Variants in ATF7IP2 observed in about 807,000 individuals in gnomAD.
The protein encoded by ATF7IP2 is activating transcription factor 7-interacting protein 2.
Under a neutral mutation model 64.2 loss-of-function variants are expected in ATF7IP2, and 42 were observed. The observed-to-expected ratio is 0.65, with a 90% CI of 0.51 to 0.85. ATF7IP2 has a LOEUF of 0.85. Among genes scored for constraint, ATF7IP2 ranks in the 40% least tolerant of loss-of-function variants. The pLI, the probability that ATF7IP2 is intolerant of heterozygous loss-of-function variation, is 0.00. For missense variants in ATF7IP2, 933 were observed against 784.2 expected (o/e 1.19, Z -2.27); for synonymous variants, 308 against 272.8 (o/e 1.13, Z -1.27).
intron 3 of ATF7IP2, among the ~76,000 whole-genome samples, chr16:10,425,058 T>C (rs1299040136): frequency 6.7e-6 from 1 of 149,116 alleles, no homozygotes; most frequent in Admixed American, 6.6e-5. Context: ...TATCAGATTT[T>C]TTTTTTTTTT....
Position 10,430,842 on chromosome 16 carries a change from A to T in ATF7IP2, c.222A>T (p.Ala74=), listed in dbSNP as rs771675617. The T allele has an allele frequency of 6.2e-7, 1 of 1,613,976 alleles. No homozygotes were observed. Among genetic ancestry groups the T allele is most frequent in the South Asian group, 1.1e-5 (1 of 91,076 alleles). The stretch of plus-strand genomic sequence containing the variant: ...AATGTAGCCCTTCTGAAAATGGTGC[A>T]TCCTCATTGGACTCTAATAAAAATT... ...ITKCSPSENG[A]SSLDSNKNSI... is the part of the protein sequence containing the mutation. The change falls in exon 5 of 14, where the codon GCA becomes GCT. Residue 74 remains alanine, a synonymous_variant. Coordinates refer to ENST00000562102, the MANE Select transcript of ATF7IP2 (RefSeq NM_001393719.1).
chr16:10,403,306 A>G (rs1273807053), intron 1 of ATF7IP2, among the ~76,000 whole-genome samples: 1 of 152,176 alleles, frequency 6.6e-6, no homozygotes, highest in East Asian at 1.9e-4. Flanking sequence ...TGGCTACTCA[A>G]GAGGTTGTGA....
chr16:10,429,710 AT>A (rs1190476021), intron 4 of ATF7IP2, among the ~76,000 whole-genome samples: 1 of 140,480 alleles, frequency 7.1e-6, no homozygotes, highest in Admixed American at 7.0e-5. Flanking sequence ...ATTTTATTTT[AT>A]TTTATTTTAT....
intron 9 of ATF7IP2, among the ~76,000 whole-genome samples, chr16:10,469,158 G>T (rs1281726828): frequency 6.6e-6 from 1 of 152,078 alleles, no homozygotes; most frequent in Admixed American, 6.6e-5. Flanking sequence ...TATCAACAAG[G>T]AGAAGAATGA....
In ATF7IP2 at chr16:10,473,909, TA is replaced by T. The variant is rs2049903953; in HGVS notation, c.1483-13del. 2 of 1,409,302 alleles carry T rather than the reference TA, an allele frequency of 1.4e-6. No individual in the cohort carries two copies. The highest frequency in any genetic ancestry group is 1.4e-5 in the South Asian group (1 of 69,228). 87.3% of individuals were successfully genotyped at this position (1,409,302 alleles called of 1,614,324 possible). On this transcript the variant is annotated splice_polypyrimidine_tract_variant and intron_variant, in intron 11 of 13. Coordinates refer to ENST00000562102, the MANE Select transcript of ATF7IP2 (RefSeq NM_001393719.1). Reference sequence around the variant, plus strand: ...TGAGGCAAAGCTTTTTTTTTTTTTTTACAATTTTTTTAGGCTGTACAGAAGA... The same window carrying T: ...TGAGGCAAAGCTTTTTTTTTTTTTTTCAATTTTTTTAGGCTGTACAGAAGA...
intron 12 of ATF7IP2, among the ~76,000 whole-genome samples, chr16:10,474,884 G>T (rs751401792): frequency 6.6e-6 from 1 of 152,162 alleles, no homozygotes; most frequent in Non-Finnish European, 1.5e-5. Flanking sequence ...GAAAATAACT[G>T]TCAACCTGTA....
intron 3 of ATF7IP2, among the ~76,000 whole-genome samples, chr16:10,426,733 A>G (rs1261346264): frequency 6.6e-6 from 1 of 152,206 alleles, no homozygotes; most frequent in Non-Finnish European, 1.5e-5. Flanking sequence ...AACTTTAACC[A>G]TAAAAGAAAA....
At chr16:10,407,944 G>A (rs367747798) in intron 1 of ATF7IP2, among the ~76,000 whole-genome samples, 343 of 149,206 alleles carry the variant, frequency 2.3e-3, no homozygotes, top group African/African-American at 7.2e-3. Context: ...ACGGAGTCTC[G>A]CTCTCTCACC....
In ATF7IP2 at chr16:10,431,021, C is replaced by T; in HGVS notation, c.401C>T (p.Ala134Val). Residue 134 changes from alanine to valine, a missense_variant, in exon 5 of 14, where the codon GCA (alanine) becomes GTA (valine). Physicochemically the swap from Ala to Val is moderately conservative, Grantham distance 64 (BLOSUM62 0). Transcript: ENST00000562102. ...ESPSRVFTEE[A>V]KDSLNTSEND... ...CCCAGCAGAGTCTTCACAGAAGAGGCAAAAGATTCACTGAACACTTCTGAA... is the reference window on the plus strand; with the variant it reads ...CCCAGCAGAGTCTTCACAGAAGAGGTAAAAGATTCACTGAACACTTCTGAA... 1 of 1,614,114 alleles carries T rather than the reference C, an allele frequency of 6.2e-7. No homozygotes were observed. The highest frequency in any genetic ancestry group is 8.5e-7 in the Non-Finnish European group (1 of 1,180,014).
intron 5 of ATF7IP2, 88 bp downstream of exon 5, chr16:10,431,543 A>T (rs2048256181): frequency 1.2e-6 from 1 of 850,230 alleles, no homozygotes; most frequent in East Asian, 2.6e-5. Flanking sequence ...ACAAACCAGT[A>T]TAGACAGAAA....
intron 3 of ATF7IP2, among the ~76,000 whole-genome samples, chr16:10,419,898 C>G (rs576973086): frequency 3.3e-5 from 5 of 152,364 alleles, no homozygotes; most frequent in African/African-American, 7.2e-5. Context: ...AGTTGTTCTG[C>G]TTCTGCCTTT....
intron 12 of ATF7IP2, among the ~76,000 whole-genome samples, chr16:10,477,760 A>C (rs1474551616): frequency 6.6e-6 from 1 of 152,184 alleles, no homozygotes; most frequent in Non-Finnish European, 1.5e-5. Flanking sequence ...CCATTGTCTC[A>C]GCCCAAAATC....
intron 1 of ATF7IP2, among the ~76,000 whole-genome samples, chr16:10,407,743 G>A (rs921221758): frequency 5.3e-5 from 8 of 152,050 alleles, no homozygotes; most frequent in South Asian, 2.1e-4. Context: ...CCCATCACCC[G>A]AGCACTATAC....
At position 10,429,723 on chromosome 16, in the gene ATF7IP2, T is replaced by TTATTTTATTA. The variant is rs1157807207; in HGVS notation, c.-11+716_-11+717insATATTTTATT. ...TTATTTTATTTTATTTTATTTTATT[T>TTATTTTATTA]TATTTTATTTATTTTATTTTATTTA... On this transcript the variant is annotated intron_variant, in intron 4 of 13. Transcript: ENST00000562102. Among the ~76,000 whole-genome samples, 3 of 142,216 alleles carry TTATTTTATTA rather than the reference T, an allele frequency of 2.1e-5. No homozygotes were observed. In the East Asian group the frequency reaches 6.0e-4, roughly 28 times the overall value. The allele number at this position is 142,216 out of a possible 152,430, so 93.3% of individuals were successfully genotyped here.
intron 9 of ATF7IP2, among the ~76,000 whole-genome samples, chr16:10,461,991 A>G (rs185079705): frequency 6.6e-6 from 1 of 151,988 alleles, no homozygotes; most frequent in Non-Finnish European, 1.5e-5. Flanking sequence ...CCTCATATGT[A>G]TCTGTCTCTC....
chr16:10,404,070 A>C (rs540632022), intron 1 of ATF7IP2, among the ~76,000 whole-genome samples: 1 of 152,222 alleles, frequency 6.6e-6, no homozygotes, highest in Non-Finnish European at 1.5e-5. Flanking sequence ...GACATCTTAG[A>C]TACAGGAAGC....
chr16:10,425,058 T>TA (rs2048057164), intron 3 of ATF7IP2, among the ~76,000 whole-genome samples: 1 of 149,116 alleles, frequency 6.7e-6, no homozygotes, highest in Non-Finnish European at 1.5e-5. Context: ...TATCAGATTT[T>TA]TTTTTTTTTT....
chr16:10,463,068 CACT>C (rs1191532016), intron 9 of ATF7IP2, among the ~76,000 whole-genome samples: 5 of 152,174 alleles, frequency 3.3e-5, no homozygotes, highest in East Asian at 1.9e-4. Flanking sequence ...ACATTTTAGT[CACT>C]AAGATTTTCA....
At chr16:10,434,051 C>T (rs1008172966) in intron 6 of ATF7IP2, among the ~76,000 whole-genome samples, 2 of 151,550 alleles carry the variant, frequency 1.3e-5, no homozygotes, top group African/African-American at 4.9e-5. Flanking sequence ...GATCTCACCA[C>T]AACCCAGAAG....
Sources: gnomAD v4.1 joint callset for allele counts (sites outside exome capture counted in the v4.1 genomes callset) on GRCh38, gnomAD v4.1.1 for gene constraint, MANE v1.5 for transcripts, NCBI Gene and HGNC (gene_info 2026-07-23, HGNC 2026-07-21) for gene names.